The following RANBP17 variants were observed in gnomAD, a reference collection of about 807,000 sequenced individuals.
RANBP17 encodes ran-binding protein 17.
A neutral mutation model predicts 141.2 loss-of-function variants in RANBP17; 158 were observed. The observed-to-expected ratio is 1.12, with a 90% CI of 0.98 to 1.28. RANBP17 has a LOEUF of 1.28. Ranked by LOEUF, RANBP17 falls within the 50% of genes most tolerant of loss-of-function variation. The pLI is 0.00. For missense variants in RANBP17, 1,438 were observed against 1,290.7 expected, an observed-to-expected ratio of 1.11 and a Z score of -1.75; for synonymous variants, 430 against 450.0, an observed-to-expected ratio of 0.96 and a Z score of 0.56.
At chr5:171,296,269 A>G (rs552287080) in intron 27 of RANBP17, among the ~76,000 whole-genome samples, 2 of 152,330 alleles carry the variant, frequency 1.3e-5, no homozygotes, top group African/African-American at 4.8e-5. Flanking sequence ...TTACAATTCA[A>G]CAGGAGAGAT....
intron 14 of RANBP17, among the ~76,000 whole-genome samples, chr5:171,052,099 G>GT (rs1250728671): frequency 6.6e-6 from 1 of 152,004 alleles, no homozygotes; most frequent in African/African-American, 2.4e-5. Context: ...AAATTGGGTC[G>GT]TTTGACTTTT....
chr5:171,041,352 C>G (rs1232350417), intron 14 of RANBP17, among the ~76,000 whole-genome samples: 1 of 151,896 alleles, frequency 6.6e-6, no homozygotes, highest in Non-Finnish European at 1.5e-5. Context: ...AACAATCTCC[C>G]AAAACAAAGA....
intron 14 of RANBP17, among the ~76,000 whole-genome samples, chr5:171,031,727 C>T (rs1253310650): frequency 6.6e-6 from 1 of 151,950 alleles, no homozygotes; most frequent in Non-Finnish European, 1.5e-5. Context: ...CCTTTCATAC[C>T]TCCTGAGTAG....
At chr5:171,160,254 C>T (rs1250042250) in intron 14 of RANBP17, among the ~76,000 whole-genome samples, 1 of 152,142 alleles carries the variant, frequency 6.6e-6, no homozygotes, top group East Asian at 1.9e-4. Context: ...AGACTAGACC[C>T]ATTATTTAAT....
At position 170,897,017 on chromosome 5, in the gene RANBP17, C is replaced by T. The variant is rs138660932; in HGVS notation, c.489+902C>T. The T allele has an allele frequency of 8.3e-4, 914 of 1,106,214 alleles. 7 individuals carry two copies. In the African/African-American group the frequency reaches 0.013, roughly 15 times the overall value. 68.5% of individuals were successfully genotyped at this position (1,106,214 alleles called of 1,614,324 possible). On this transcript the variant is annotated intron_variant, in intron 5 of 27. Coordinates refer to ENST00000523189, the MANE Select transcript of RANBP17 (RefSeq NM_022897.5). ...GACCTGGCACTAAGGGAGCACGCCGCGGTCAGCCAGAAAGGAATCTATTAT... is the reference window on the plus strand; with the variant it reads ...GACCTGGCACTAAGGGAGCACGCCGTGGTCAGCCAGAAAGGAATCTATTAT...
rs2914332 is a variant in RANBP17, at chr5:171,299,794, C to T, written c.*936C>T. 173,494 of 225,276 alleles carry T rather than the reference C, an allele frequency of 0.77. 68,242 individuals are homozygous for T. Among genetic ancestry groups the T allele is most frequent in the East Asian group, 1 (15,580 of 15,596 alleles). 14.0% of individuals were successfully genotyped at this position (225,276 alleles called of 1,614,324 possible). A position where few individuals can be genotyped will look rare whatever the true frequency, so the allele number is the denominator to read the frequency against. On this transcript the variant is annotated 3_prime_UTR_variant, in exon 28 of 28. Coordinates refer to ENST00000523189, the MANE Select transcript of RANBP17 (RefSeq NM_022897.5). ...ACTGTTGGGACTTGGGATTCTGACT[C>T]ACCCCAAACCCAGAACATGAAGAAG... is the stretch of plus-strand genomic sequence containing the variant.
rs77190096 is a variant in RANBP17 at position 170,953,483 on chromosome 5, A to G, written c.1469-114A>G. Reference sequence around the variant, plus strand: ...TCTATCCAGAACTGAGTTCACAATAATTTATCACTCATTTGGAAGAACAGA... The same window carrying G: ...TCTATCCAGAACTGAGTTCACAATAGTTTATCACTCATTTGGAAGAACAGA... On this transcript the variant is annotated intron_variant, in intron 12 of 27. Transcript: ENST00000523189. 6,530 of 661,894 alleles carry G rather than the reference A, an allele frequency of 9.9e-3. 290 individuals are homozygous for G. In the African/African-American group the frequency reaches 0.1, roughly 10 times the overall value. 41.0% of individuals were successfully genotyped at this position (661,894 alleles called of 1,614,324 possible). A position where few individuals can be genotyped will look rare whatever the true frequency, so the allele number is the denominator to read the frequency against.
At chr5:171,028,544 A>G (rs938758608) in intron 14 of RANBP17, among the ~76,000 whole-genome samples, 1 of 152,176 alleles carries the variant, frequency 6.6e-6, no homozygotes, top group African/African-American at 2.4e-5. Context: ...AACCTTAAGC[A>G]TTTAAAAAAA....
intron 14 of RANBP17, among the ~76,000 whole-genome samples, chr5:170,974,177 G>C (rs140964713): frequency 1.8e-4 from 27 of 152,250 alleles, no homozygotes; most frequent in African/African-American, 6.3e-4. Context: ...ATGTGGTTGA[G>C]ACTCCACAGT....
intron 14 of RANBP17, among the ~76,000 whole-genome samples, chr5:171,137,908 A>AAT: frequency 6.7e-6 from 1 of 150,218 alleles, no homozygotes; most frequent in Non-Finnish European, 1.5e-5. Context: ...TAAATAAGTA[A>AAT]ATATATATCT....
chr5:171,169,622 TTAGG>T (rs892798070), intron 14 of RANBP17, among the ~76,000 whole-genome samples: 8 of 152,124 alleles, frequency 5.3e-5, no homozygotes, highest in African/African-American at 1.9e-4. Context: ...GGAAGCTTAA[TTAGG>T]TAATATTTGA....
intron 14 of RANBP17, among the ~76,000 whole-genome samples, chr5:171,148,110 A>C (rs1758195924): frequency 6.6e-6 from 1 of 151,998 alleles, no homozygotes; most frequent in Non-Finnish European, 1.5e-5. Flanking sequence ...GTGCTCTCTG[A>C]AACATGTGCT....
intron 14 of RANBP17, among the ~76,000 whole-genome samples, chr5:171,043,930 A>G (rs1782412509): frequency 6.6e-6 from 1 of 152,148 alleles, no homozygotes; most frequent in Admixed American, 6.6e-5. Flanking sequence ...AGTATTAATA[A>G]ATTGTTTTGC....
At chr5:171,208,502 A>G (rs1762701565) in intron 20 of RANBP17, among the ~76,000 whole-genome samples, 2 of 152,240 alleles carry the variant, frequency 1.3e-5, no homozygotes, top group African/African-American at 4.8e-5. Context: ...CTGAAGTATC[A>G]AAAATCCAGA....
chr5:171,110,555 A>C (rs916245842), intron 14 of RANBP17, among the ~76,000 whole-genome samples: 1 of 152,066 alleles, frequency 6.6e-6, no homozygotes, highest in African/African-American at 2.4e-5. Flanking sequence ...ACATTTTCCA[A>C]CTGTGGCCCT....
At chr5:171,076,221 C>G (rs930665009) in intron 14 of RANBP17, among the ~76,000 whole-genome samples, 2 of 152,092 alleles carry the variant, frequency 1.3e-5, no homozygotes, top group Non-Finnish European at 2.9e-5. Flanking sequence ...AAAAAGCTGA[C>G]TTATTCTAAG....
chr5:170,875,197 G>T (rs1169681508), intron 1 of RANBP17, among the ~76,000 whole-genome samples: 1 of 152,170 alleles, frequency 6.6e-6, no homozygotes, highest in African/African-American at 2.4e-5. Context: ...AGAGAGATCT[G>T]TTGTTAGTCT....
chr5:170,864,453 G>A (rs1482137550), intron 1 of RANBP17, among the ~76,000 whole-genome samples: 1 of 152,172 alleles, frequency 6.6e-6, no homozygotes, highest in Non-Finnish European at 1.5e-5. Context: ...AATGCTTGGA[G>A]GGCAGAGGGA....
At chr5:171,004,603 C>A (rs764755723) in intron 14 of RANBP17, among the ~76,000 whole-genome samples, 14 of 152,282 alleles carry the variant, frequency 9.2e-5, no homozygotes, top group Non-Finnish European at 2.1e-4. Context: ...TGAAGCTCAG[C>A]ATCCATGATA....
Sources: gnomAD v4.1 joint callset for allele counts (sites outside exome capture counted in the v4.1 genomes callset) on GRCh38, gnomAD v4.1.1 for gene constraint, MANE v1.5 for transcripts, NCBI Gene and HGNC (gene_info 2026-07-23, HGNC 2026-07-21) for gene names.